RRAGD: variants seen among roughly 807,000 people sequenced by gnomAD.
RRAGD encodes Ras related GTP binding D, also known as ras-related GTP-binding protein D.
Under a neutral mutation model 35.5 loss-of-function variants are expected in RRAGD, and 12 were observed. That is an observed-to-expected ratio of 0.34 (90% CI 0.22 to 0.55). The LOEUF (loss-of-function observed/expected upper bound fraction) is 0.55. Among genes scored for constraint, RRAGD ranks in the 20% least tolerant of loss-of-function variants. The pLI is 0.91. For synonymous variants in RRAGD, 155 were observed against 178.9 expected (o/e 0.87, Z 1.07); for missense variants, 324 against 490.1 (o/e 0.66, Z 3.20).
chr6:89,384,498 T>C (rs1387752768), intron 2 of RRAGD, among the ~76,000 whole-genome samples: 2 of 152,114 alleles, frequency 1.3e-5, no homozygotes, highest in Non-Finnish European at 2.9e-5. Context: ...CATGAGCCAC[T>C]GTGCCCAGCC....
At chr6:89,381,136 C>T (rs1014992541) in intron 2 of RRAGD, among the ~76,000 whole-genome samples, 5 of 152,166 alleles carry the variant, frequency 3.3e-5, no homozygotes, top group African/African-American at 1.2e-4. Flanking sequence ...CAGCAGACCA[C>T]CGTCTGCAGG....
In RRAGD at chr6:89,411,800, G is replaced by A. The variant is rs1301937545; in HGVS notation, c.148+46C>T. ...GGGCTGGGGGCGGGAAGGCGCCAAG[G>A]GGAGGAAAGGGGCGCGAGCCGAGGA... On this transcript the variant is annotated intron_variant, in intron 1 of 6. Coordinates refer to ENST00000369415, the MANE Select transcript of RRAGD (RefSeq NM_021244.5). This position sits in a 1 kb window ranked among gnomAD's most constrained non-coding sequence, Gnocchi z 5.6. The A allele has an allele frequency of 1.3e-6, 2 of 1,523,270 alleles. No homozygotes were observed. The highest frequency in any genetic ancestry group is 2.5e-5 in the East Asian group (1 of 39,882). The allele number at this position is 1,523,270 out of a possible 1,614,324, so 94.4% of individuals were successfully genotyped here. A position where few individuals can be genotyped will look rare whatever the true frequency, so the allele number is the denominator to read the frequency against.
intron 1 of RRAGD, among the ~76,000 whole-genome samples, chr6:89,395,428 T>G (rs543331307): frequency 6.6e-6 from 1 of 152,120 alleles, no homozygotes; most frequent in Non-Finnish European, 1.5e-5. Flanking sequence ...CTTAAATCGA[T>G]AGAACTATAA....
chr6:89,408,856 T>G (rs556738597), intron 1 of RRAGD, among the ~76,000 whole-genome samples: 1 of 152,284 alleles, frequency 6.6e-6, no homozygotes, highest in South Asian at 2.1e-4. Flanking sequence ...CTAAAAATAA[T>G]CATTATTTTT....
intron 5 of RRAGD, 124 bp downstream of exon 5, chr6:89,377,547 T>G (rs1768968981): frequency 3.5e-6 from 3 of 851,320 alleles, no homozygotes; most frequent in South Asian, 4.2e-5. Flanking sequence ...GTATATTTAT[T>G]TATAGATTTC....
chr6:89,381,774 A>G (rs1158856910), intron 2 of RRAGD, among the ~76,000 whole-genome samples: 1 of 152,088 alleles, frequency 6.6e-6, no homozygotes, highest in African/African-American at 2.4e-5. Flanking sequence ...GATGATCTAT[A>G]ATTTATATTT....
intron 1 of RRAGD, among the ~76,000 whole-genome samples, chr6:89,399,241 A>G (rs189317217): frequency 8.5e-5 from 13 of 152,284 alleles, no homozygotes; most frequent in Middle Eastern, 3.4e-3. Context: ...GGGGGGAGGG[A>G]GTATGTATGC....
chr6:89,405,587 AC>A (rs1441048819), intron 1 of RRAGD, among the ~76,000 whole-genome samples: 1 of 151,972 alleles, frequency 6.6e-6, no homozygotes, highest in African/African-American at 2.4e-5. Context: ...CGCACAGGAC[AC>A]ACGCAGGCAC....
rs768061578 is a variant in RRAGD at position 89,379,224 on chromosome 6, T to C, written c.759A>G (p.Ser253=). ...TCAAACAGGAATATTATTTACTTAC[T>C]GAGATAAAGATGTTCAGCAAATTCT... The part of the protein sequence containing the change: ...TLENLLNIFI[S]NSGIEKAFLF... Residue 253 remains serine, a splice_region_variant and synonymous_variant, in exon 4 of 7, where the codon TCA becomes TCG. Transcript: ENST00000369415. 1.3e-5 allele frequency: 20 copies of C among 1,502,088 alleles called. No individual in the cohort carries two copies. In the South Asian group the frequency reaches 2.3e-4, roughly 18 times the overall value. 93.0% of individuals were successfully genotyped at this position (1,502,088 alleles called of 1,614,324 possible).
intron 2 of RRAGD, among the ~76,000 whole-genome samples, chr6:89,383,692 C>T (rs1283763473): frequency 6.6e-6 from 1 of 152,046 alleles, no homozygotes; most frequent in African/African-American, 2.4e-5. Context: ...TGCTTTCATT[C>T]TTTTTTATTT....
At chr6:89,408,672 T>G (rs1769636091) in intron 1 of RRAGD, among the ~76,000 whole-genome samples, 1 of 152,146 alleles carries the variant, frequency 6.6e-6, no homozygotes, top group African/African-American at 2.4e-5. Context: ...AGACCGAACT[T>G]CACTGGACTG....
At chr6:89,379,711 A>AT (rs200110821) in intron 3 of RRAGD, among the ~76,000 whole-genome samples, 135 of 152,136 alleles carry the variant, frequency 8.9e-4, no homozygotes, top group East Asian at 7.7e-3. Flanking sequence ...TGAAGCAACT[A>AT]TTTTTTTTCC....
At chr6:89,406,870 C>A (rs1272189657) in intron 1 of RRAGD, among the ~76,000 whole-genome samples, 1 of 152,136 alleles carries the variant, frequency 6.6e-6, no homozygotes, top group Non-Finnish European at 1.5e-5. Context: ...GGATCAGAGC[C>A]CCACAGCTTG....
Position 89,411,741 on chromosome 6 carries a change from G to A in RRAGD, c.148+105C>T, listed in dbSNP as rs1044805476. ...AACCCTCAACTGGACCCGCTCCCCT[G>A]GACCCCCTCCAAGTCGGTGGCTCGC... On this transcript the variant is annotated intron_variant, in intron 1 of 6. Transcript: ENST00000369415. This position sits in a 1 kb window ranked among gnomAD's most constrained non-coding sequence, Gnocchi z 5.6. 1.6e-6 allele frequency: 2 copies of A among 1,277,776 alleles called. No homozygotes were observed. The highest frequency in any genetic ancestry group is 2.1e-6 in the Non-Finnish European group (2 of 940,666). The allele number at this position is 1,277,776 out of a possible 1,614,324, so 79.2% of individuals were successfully genotyped here.
chr6:89,387,201 G>T (rs1461446040), intron 2 of RRAGD, 94 bp downstream of exon 2: 2 of 1,229,390 alleles, frequency 1.6e-6, no homozygotes, highest in Admixed American at 2.2e-5. Context: ...TTGGTAGAAA[G>T]GCCTATTCCA....
intron 1 of RRAGD, among the ~76,000 whole-genome samples, chr6:89,390,365 G>A (rs1204630153): frequency 1.3e-5 from 2 of 152,146 alleles, no homozygotes; most frequent in East Asian, 1.9e-4. Context: ...GATGCGAATA[G>A]ACATTTCTCC....
chr6:89,378,250 C>A, intron 4 of RRAGD, among the ~76,000 whole-genome samples: 1 of 151,130 alleles, frequency 6.6e-6, no homozygotes, highest in African/African-American at 2.4e-5. Context: ...AGCGGTGAGC[C>A]GAGATGGCGC....
chr6:89,393,661 A>G (rs1769278875), intron 1 of RRAGD, among the ~76,000 whole-genome samples: 1 of 152,226 alleles, frequency 6.6e-6, no homozygotes, highest in African/African-American at 2.4e-5. Context: ...TCTTCCCTCC[A>G]ACATTTCCTT....
At position 89,379,353 on chromosome 6, in the gene RRAGD, G is replaced by T; in HGVS notation, c.645-15C>A. ...TCAGATAAAAGCTGAAAGAGGAAAC[G>T]GTATTTCATCATGTTTTCCCTTTGA... is the stretch of plus-strand genomic sequence containing the variant. On this transcript the variant is annotated splice_polypyrimidine_tract_variant and intron_variant, in intron 3 of 6. Coordinates refer to ENST00000369415, the MANE Select transcript of RRAGD (RefSeq NM_021244.5). 7.4e-7 allele frequency: 1 copy of T among 1,347,380 alleles called. No homozygotes were observed. The highest frequency in any genetic ancestry group is 1.1e-6 in the Non-Finnish European group (1 of 951,072). The allele number at this position is 1,347,380 out of a possible 1,614,324, so 83.5% of individuals were successfully genotyped here.
Sources: gnomAD v4.1 joint callset for allele counts (sites outside exome capture counted in the v4.1 genomes callset) on GRCh38, gnomAD v4.1.1 for gene constraint, Gnocchi (gnomAD v3.1) non-coding constraint, MANE v1.5 for transcripts, NCBI Gene and HGNC (gene_info 2026-07-23, HGNC 2026-07-21) for gene names.